The following CPA6 variants were observed in gnomAD, a reference collection of about 807,000 sequenced individuals.
The protein encoded by CPA6 is carboxypeptidase B.
Under a neutral mutation model 63.3 loss-of-function variants are expected in CPA6, and 58 were observed. The observed-to-expected ratio is 0.92, with a 90% CI of 0.74 to 1.14. CPA6 has a LOEUF of 1.14. CPA6 is among the 50% of genes most tolerant of loss of function. CPA6 has a pLI of 0.00. For missense variants in CPA6, 565 were observed against 526.6 expected (o/e 1.07, Z -0.71); for synonymous variants, 185 against 179.0 (o/e 1.03, Z -0.27).
At chr8:67,486,124 T>C (rs1462913953) in intron 6 of CPA6, among the ~76,000 whole-genome samples, 1 of 152,240 alleles carries the variant, frequency 6.6e-6, no homozygotes, top group Non-Finnish European at 1.5e-5. Context: ...ATTGTCATAA[T>C]CATTTGGTGG....
chr8:67,639,258 G>A lies in CPA6; in HGVS notation c.117-15007C>T, dbSNP rs144800538. On this transcript the variant is annotated intron_variant, in intron 1 of 10. Coordinates refer to ENST00000297770, the MANE Select transcript of CPA6 (RefSeq NM_020361.5). ...GTTGCTTCACCAGCTGGAAACCTCTGTGGCCAGTGGTGCCTTTGCCTGAGT... is the reference window on the plus strand; with the variant it reads ...GTTGCTTCACCAGCTGGAAACCTCTATGGCCAGTGGTGCCTTTGCCTGAGT... Among the ~76,000 whole-genome samples the A allele has an allele frequency of 1.1e-3, 168 of 151,714 alleles. 5 individuals carry two copies. Among genetic ancestry groups the A allele is most frequent in the African/African-American group, 3.4e-3 (138 of 40,994 alleles).
At chr8:67,513,632 C>A (rs1812085793) in intron 3 of CPA6, among the ~76,000 whole-genome samples, 1 of 152,136 alleles carries the variant, frequency 6.6e-6, no homozygotes, top group African/African-American at 2.4e-5. Context: ...TGTTCAGTAA[C>A]TTACATTGCA....
intron 1 of CPA6, among the ~76,000 whole-genome samples, chr8:67,655,006 G>C (rs141318852): frequency 6.6e-6 from 1 of 152,244 alleles, no homozygotes; most frequent in Non-Finnish European, 1.5e-5. Context: ...AGTACAATCA[G>C]TAGAATAAAA....
intron 7 of CPA6, among the ~76,000 whole-genome samples, chr8:67,484,395 T>G (rs1360969830): frequency 6.6e-6 from 1 of 152,146 alleles, no homozygotes; most frequent in Non-Finnish European, 1.5e-5. Flanking sequence ...TTGGCCCCAT[T>G]TCTTTATAGG....
chr8:67,741,894 G>T (rs941206017), intron 1 of CPA6, among the ~76,000 whole-genome samples: 1 of 152,046 alleles, frequency 6.6e-6, no homozygotes, highest in South Asian at 2.1e-4. Flanking sequence ...CGCCACAACC[G>T]TAGAAAAATT....
chr8:67,595,498 G>C (rs1017820397), intron 2 of CPA6, among the ~76,000 whole-genome samples: 5 of 152,230 alleles, frequency 3.3e-5, no homozygotes, highest in African/African-American at 1.2e-4. Context: ...GGAGACTACA[G>C]AGGCAGGCAG....
intron 1 of CPA6, among the ~76,000 whole-genome samples, chr8:67,637,980 T>TC (rs879904902): frequency 7.2e-6 from 1 of 139,760 alleles, no homozygotes; most frequent in Non-Finnish European, 1.5e-5. Context: ...TGCTAGAAAT[T>TC]TTGTGTGTGT....
chr8:67,605,531 C>CTTTTTTTTTTTTTTTTTTTTCTT (rs68153641), intron 2 of CPA6, among the ~76,000 whole-genome samples: 1 of 125,268 alleles, frequency 8.0e-6, no homozygotes, highest in Non-Finnish European at 1.7e-5. Flanking sequence ...TATTGTATTG[C>CTTTTTTTTTTTTTTTTTTTTCTT]TTTTTTTTTT....
chr8:67,584,653 G>T (rs1212151101), intron 2 of CPA6, among the ~76,000 whole-genome samples: 1 of 152,164 alleles, frequency 6.6e-6, no homozygotes, highest in Admixed American at 6.6e-5. Context: ...CTCCTGCTCC[G>T]ACTATAGTGC....
intron 2 of CPA6, among the ~76,000 whole-genome samples, chr8:67,585,112 C>G (rs1258313563): frequency 6.6e-6 from 1 of 151,854 alleles, no homozygotes; most frequent in Non-Finnish European, 1.5e-5. Flanking sequence ...TATAATAGAT[C>G]AGGTAACGAA....
intron 1 of CPA6, among the ~76,000 whole-genome samples, chr8:67,743,816 T>C (rs898630728): frequency 1.3e-5 from 2 of 152,246 alleles, no homozygotes; most frequent in African/African-American, 4.8e-5. Flanking sequence ...CTGTAAATGA[T>C]AATCACATAT....
chr8:67,646,520 G>A (rs1450949443), intron 1 of CPA6, among the ~76,000 whole-genome samples: 1 of 152,178 alleles, frequency 6.6e-6, no homozygotes, highest in East Asian at 1.9e-4. Context: ...GAGGTGCTGT[G>A]GAGTTGTCAA....
At chr8:67,743,795 T>C (rs1817956420) in intron 1 of CPA6, among the ~76,000 whole-genome samples, 1 of 152,222 alleles carries the variant, frequency 6.6e-6, no homozygotes, top group African/African-American at 2.4e-5. Flanking sequence ...TTTTTATTCA[T>C]GCTCAGGGTC....
chr8:67,503,997 T>C (rs1445800427), intron 6 of CPA6, among the ~76,000 whole-genome samples: 2 of 152,114 alleles, frequency 1.3e-5, no homozygotes, highest in South Asian at 2.1e-4. Flanking sequence ...AGAGAACACA[T>C]GCGTTGTATT....
intron 1 of CPA6, among the ~76,000 whole-genome samples, chr8:67,719,014 G>C (rs1051962265): frequency 2.0e-5 from 3 of 152,106 alleles, no homozygotes; most frequent in Non-Finnish European, 4.4e-5. Context: ...GCTGAGTCTG[G>C]CTGCCAATAT....
intron 2 of CPA6, among the ~76,000 whole-genome samples, chr8:67,595,956 A>T (rs565129449): frequency 2.0e-5 from 3 of 152,298 alleles, no homozygotes; most frequent in African/African-American, 7.2e-5. Context: ...GGAAATGCAG[A>T]AATCACCCGT....
rs61317091 is a variant in CPA6, at chr8:67,448,639, GA to G, written c.839-14400del. ...AGAGTGAGACCCTATCTCAAAAAAG[GA>G]AAAAAAAAAAAAAAGGAAAGAACGA... is the stretch of plus-strand genomic sequence containing the variant. On this transcript the variant is annotated intron_variant, in intron 8 of 10. Transcript: ENST00000297770. Among the ~76,000 whole-genome samples the G allele has an allele frequency of 9.2e-3, 214 of 23,270 alleles. 7 individuals are homozygous for G. Among genetic ancestry groups the G allele is most frequent in the Admixed American group, 0.017 (34 of 1,946 alleles). 15.3% of individuals were successfully genotyped at this position (23,270 alleles called of 152,430 possible).
In CPA6 at chr8:67,609,950, A is replaced by G. The variant is rs538038131; in HGVS notation, c.192+14226T>C. ...GACAGGAGAATCGCTTGAACCTGGG[A>G]GGTGGAGGTTGCAGTGAGCCAACAT... On this transcript the variant is annotated intron_variant, in intron 2 of 10. Transcript: ENST00000297770. Among the ~76,000 whole-genome samples the G allele has an allele frequency of 1.7e-4, 26 of 152,328 alleles. No homozygotes were observed. The South Asian group carries it at 5.4e-3, about 32-fold the overall frequency.
chr8:67,581,843 C>A (rs1389313371), intron 2 of CPA6, among the ~76,000 whole-genome samples: 2 of 152,064 alleles, frequency 1.3e-5, no homozygotes, highest in Non-Finnish European at 2.9e-5. Flanking sequence ...AACATAAGGG[C>A]CAGTATGTCT....
Sources: allele counts gnomAD v4.1 joint callset (sites outside exome capture counted in the v4.1 genomes callset), GRCh38; gene constraint gnomAD v4.1.1; transcripts MANE v1.5; gene names NCBI Gene and HGNC (gene_info 2026-07-23, HGNC 2026-07-21).